The following GPC5 variants were observed in gnomAD, a reference collection of about 807,000 sequenced individuals.
GPC5 encodes glypican-5.
In GPC5, 47 loss-of-function variants were observed where a neutral mutation model predicts 53.9. The ratio of observed to expected loss-of-function variants is 0.87; its 90% CI spans 0.69 to 1.11. The LOEUF (loss-of-function observed/expected upper bound fraction) is 1.11, where lower values mean the gene tolerates loss of function less well. Ranked by LOEUF, GPC5 falls within the 50% of genes most tolerant of loss-of-function variation. GPC5 has a pLI of 0.00. For missense variants in GPC5, 748 were observed against 713.1 expected (o/e 1.05, Z -0.56); for synonymous variants, 286 against 263.3 (o/e 1.09, Z -0.84).
chr13:91,870,473 A>T (rs1284595553), intron 5 of GPC5, among the ~76,000 whole-genome samples: 2 of 152,180 alleles, frequency 1.3e-5, no homozygotes, highest in Non-Finnish European at 2.9e-5. Flanking sequence ...GCTAGCCTTT[A>T]TCCTTATGAA....
chr13:91,860,784 G>A (rs9556122), intron 5 of GPC5, among the ~76,000 whole-genome samples: 28,753 of 152,012 alleles, frequency 0.19, 3,026 homozygotes, highest in East Asian at 0.31. Context: ...TTACAGGCAT[G>A]AGCCGCCGTG....
intron 6 of GPC5, among the ~76,000 whole-genome samples, chr13:92,110,351 G>A (rs1363550338): frequency 6.6e-6 from 1 of 152,042 alleles, no homozygotes; most frequent in Non-Finnish European, 1.5e-5. Context: ...TTAACTACCT[G>A]ACAAGAAAGG....
chr13:92,371,725 C>G (rs562958797), intron 7 of GPC5, among the ~76,000 whole-genome samples: 1 of 152,246 alleles, frequency 6.6e-6, no homozygotes, highest in South Asian at 2.1e-4. Context: ...CTCACTATCA[C>G]GAGAATAGCA....
chr13:92,529,446 T>C (rs2138984780), intron 7 of GPC5, among the ~76,000 whole-genome samples: 1 of 152,322 alleles, frequency 6.6e-6, no homozygotes, highest in South Asian at 2.1e-4. Flanking sequence ...TATTTTTACA[T>C]ATCAAATCTC....
At chr13:91,805,193 C>T (rs1594580417) in intron 5 of GPC5, among the ~76,000 whole-genome samples, 3 of 152,100 alleles carry the variant, frequency 2.0e-5, no homozygotes, top group Non-Finnish European at 4.4e-5. Context: ...GCTTTACAAA[C>T]TCCTCCACGG....
chr13:91,838,688 G>A (rs974839240), intron 5 of GPC5, among the ~76,000 whole-genome samples: 3 of 152,128 alleles, frequency 2.0e-5, no homozygotes, highest in African/African-American at 7.2e-5. Context: ...AATTCCCTAC[G>A]CTGGGGCTTT....
chr13:91,950,666 C>T (rs2040018544), intron 6 of GPC5, among the ~76,000 whole-genome samples: 2 of 152,138 alleles, frequency 1.3e-5, no homozygotes, highest in Non-Finnish European at 2.9e-5. Context: ...AGAGACTCAG[C>T]GCAGTGTCAG....
chr13:91,949,828 A>AG (rs1390690062), intron 6 of GPC5, among the ~76,000 whole-genome samples: 2 of 151,428 alleles, frequency 1.3e-5, no homozygotes, highest in African/African-American at 4.9e-5. Context: ...AAAGGAAAAA[A>AG]ATTCTTGTAT....
In GPC5 at chr13:92,306,251, T is replaced by C; in HGVS notation, c.1561+161262T>C. Among the ~76,000 whole-genome samples the C allele has an allele frequency of 1.3e-5, 2 of 151,732 alleles. 1 individual carries two copies. The highest frequency in any genetic ancestry group is 2.9e-5 in the Non-Finnish European group (2 of 68,040). On this transcript the variant is annotated intron_variant, in intron 7 of 7. Coordinates refer to ENST00000377067, the MANE Select transcript of GPC5 (RefSeq NM_004466.6). Reference sequence around the variant, plus strand: ...TGAATTCCTGAAACAGATAAGAAGTTAGATTTTTAATCCCTCCTTTCCTTA... The same window carrying C: ...TGAATTCCTGAAACAGATAAGAAGTCAGATTTTTAATCCCTCCTTTCCTTA...
chr13:91,938,054 G>C (rs946784163), intron 6 of GPC5, among the ~76,000 whole-genome samples: 1 of 152,048 alleles, frequency 6.6e-6, no homozygotes, highest in Non-Finnish European at 1.5e-5. Context: ...AGCAAGTTCA[G>C]CTGAGATTTG....
intron 5 of GPC5, among the ~76,000 whole-genome samples, chr13:91,871,478 T>C (rs1263929398): frequency 6.6e-6 from 1 of 151,930 alleles, no homozygotes; most frequent in Non-Finnish European, 1.5e-5. Context: ...GTAACAACCC[T>C]TCACATGTAC....
At chr13:92,652,492 G>A (rs977013220) in intron 7 of GPC5, among the ~76,000 whole-genome samples, 3 of 152,002 alleles carry the variant, frequency 2.0e-5, no homozygotes. Flanking sequence ...CTGGTTCACT[G>A]CAGGCTGTCT....
chr13:92,234,553 A>G (rs2042555736), intron 7 of GPC5, among the ~76,000 whole-genome samples: 1 of 152,104 alleles, frequency 6.6e-6, no homozygotes, highest in Admixed American at 6.6e-5. Context: ...TCTTGAATAA[A>G]TGAAAGACAA....
intron 7 of GPC5, among the ~76,000 whole-genome samples, chr13:92,854,141 G>A (rs1215310464): frequency 1.3e-5 from 2 of 150,598 alleles, no homozygotes; most frequent in Non-Finnish European, 3.0e-5. Flanking sequence ...AATATCTTAT[G>A]TGAGCTTTAA....
chr13:91,862,204 G>A (rs1418199814), intron 5 of GPC5, among the ~76,000 whole-genome samples: 1 of 152,124 alleles, frequency 6.6e-6, no homozygotes. Flanking sequence ...ATGTTTTGTA[G>A]TGAAGATTTG....
intron 7 of GPC5, among the ~76,000 whole-genome samples, chr13:92,614,467 G>T (rs889591427): frequency 6.6e-6 from 1 of 152,174 alleles, no homozygotes; most frequent in East Asian, 1.9e-4. Flanking sequence ...ATGGAATTAT[G>T]TCCTGATAAA....
chr13:92,207,213 G>A (rs1199948715), intron 7 of GPC5, among the ~76,000 whole-genome samples: 3 of 152,122 alleles, frequency 2.0e-5, no homozygotes, highest in African/African-American at 7.2e-5. Context: ...CATATAGGTA[G>A]AGCTAGAAAG....
intron 1 of GPC5, among the ~76,000 whole-genome samples, chr13:91,404,998 GC>G (rs1877212962): frequency 6.6e-6 from 1 of 152,060 alleles, no homozygotes; most frequent in Non-Finnish European, 1.5e-5. Context: ...ATCTTTCTAA[GC>G]CTGATTTTTT....
At chr13:91,649,513 A>G (rs1025594309) in intron 2 of GPC5, among the ~76,000 whole-genome samples, 1 of 152,220 alleles carries the variant, frequency 6.6e-6, no homozygotes, top group African/African-American at 2.4e-5. Context: ...GATATTACTT[A>G]GAGATCACTA....
Sources: allele counts gnomAD v4.1 joint callset (sites outside exome capture counted in the v4.1 genomes callset), GRCh38; gene constraint gnomAD v4.1.1; transcripts MANE v1.5; gene names NCBI Gene and HGNC (gene_info 2026-07-23, HGNC 2026-07-21).